Variants in CEP295 observed in about 807,000 individuals in gnomAD.
The protein encoded by CEP295 is centrosomal protein 295.
Under a neutral mutation model 291.6 loss-of-function variants are expected in CEP295, and 190 were observed. The observed-to-expected ratio is 0.65, with a 90% CI of 0.58 to 0.73. The LOEUF (loss-of-function observed/expected upper bound fraction) is 0.73, where lower values mean the gene tolerates loss of function less well. CEP295 is among the 30% of genes least tolerant of loss of function. The probability of loss-of-function intolerance (pLI) is 0.00; values close to 1 mark genes in which losing one functional copy is unlikely to be tolerated. For synonymous variants in CEP295, 993 were observed against 1,038.8 expected, an observed-to-expected ratio of 0.96 and a Z score of 0.85; for missense variants, 2,863 against 2,949.4, an observed-to-expected ratio of 0.97 and a Z score of 0.68.
At chr11:93,666,021 CT>C (rs1273158072) in intron 1 of CEP295, among the ~76,000 whole-genome samples, 1 of 152,122 alleles carries the variant, frequency 6.6e-6, no homozygotes, top group Non-Finnish European at 1.5e-5. Context: ...CTTTTTAGGT[CT>C]TTGTGCTTTT....
At chr11:93,690,763 C>A in intron 10 of CEP295, among the ~76,000 whole-genome samples, 1 of 148,952 alleles carries the variant, frequency 6.7e-6, no homozygotes, top group East Asian at 2.0e-4. Flanking sequence ...AGATAAAGGG[C>A]CAATATGAGC....
chr11:93,666,328 T>G (rs1255190071), intron 1 of CEP295, among the ~76,000 whole-genome samples: 1 of 152,182 alleles, frequency 6.6e-6, no homozygotes, highest in Non-Finnish European at 1.5e-5. Flanking sequence ...GCATGGTGGC[T>G]CATGCCTGTA....
rs1037636631 is a variant in CEP295, at chr11:93,729,995, T to A, written c.7667+26T>A. 5 of 1,423,412 alleles carry A rather than the reference T, an allele frequency of 3.5e-6. No individual in the cohort carries two copies. The African/African-American group carries it at 5.8e-5, about 17-fold the overall frequency. The allele number at this position is 1,423,412 out of a possible 1,614,324, so 88.2% of individuals were successfully genotyped here. A position where few individuals can be genotyped will look rare whatever the true frequency, so the allele number is the denominator to read the frequency against. ...GTAGGGTTAATTTTTTTTTTTTTTT[T>A]AGTGATTCACTTTTTGCAGTGTTTG... is the stretch of plus-strand genomic sequence containing the variant. On this transcript the variant is annotated intron_variant, in intron 28 of 29. Coordinates refer to ENST00000325212, the MANE Select transcript of CEP295 (RefSeq NM_033395.2).
intron 18 of CEP295, among the ~76,000 whole-genome samples, chr11:93,710,908 T>C (rs1395296024): frequency 6.6e-6 from 1 of 152,216 alleles, no homozygotes; most frequent in Admixed American, 6.5e-5. Flanking sequence ...TAGTTGCTAA[T>C]AGTAGTCTCT....
At chr11:93,724,488 T>C in intron 22 of CEP295, 113 bp downstream of exon 22, 1 of 1,049,036 alleles carries the variant, frequency 9.5e-7, no homozygotes, top group East Asian at 2.7e-5. Context: ...CATGGAAGTC[T>C]GGGCACAGTG....
Position 93,730,165 on chromosome 11 carries a change from G to T in CEP295, c.7767+17G>T. On this transcript the variant is annotated intron_variant, in intron 29 of 29. Transcript: ENST00000325212. The stretch of plus-strand genomic sequence containing the variant: ...TTCCATAAGGTGAGTATAACTGAGG[G>T]AGAAGGACTTAATTTTTCAAGCATG... 6.4e-7 allele frequency: 1 copy of T among 1,550,836 alleles called. No homozygotes were observed.
intron 18 of CEP295, among the ~76,000 whole-genome samples, chr11:93,714,408 G>T (rs1172624025): frequency 6.6e-6 from 1 of 152,084 alleles, no homozygotes; most frequent in African/African-American, 2.4e-5. Flanking sequence ...GTGCCACCAC[G>T]CCCAGCTAAT....
rs539401172 is a variant in CEP295 at position 93,697,536 on chromosome 11, A to G, written c.2624A>G (p.Lys875Arg). 7 of 1,551,688 alleles carry G rather than the reference A, an allele frequency of 4.5e-6. No homozygotes were observed. The highest frequency in any genetic ancestry group is 6.1e-6 in the Non-Finnish European group (7 of 1,147,000). Residue 875 changes from lysine to arginine, a missense_variant, in exon 15 of 30, where the codon AAA becomes AGA. This residue lies in a region of CEP295 where 2,295 missense variants were observed against 2,335.7 expected (regional missense o/e 0.98). Coordinates refer to ENST00000325212, the MANE Select transcript of CEP295 (RefSeq NM_033395.2). ...QEAQEQLLLC[K>R]QKEVEQQTGL... ...GCTCAGGAACAGTTGCTTTTGTGCA[A>G]ACAGAAAGAAGTGGAACAGCAAACG...
rs1219061164 is a variant in CEP295 at position 93,681,489 on chromosome 11, C to T, written c.765+1937C>T. Reference sequence around the variant, plus strand: ...GGAGTGCAATGGCGTGATCTTGGCTCACTGCAACCTCCACCTCCTGGGTTC... The same window carrying T: ...GGAGTGCAATGGCGTGATCTTGGCTTACTGCAACCTCCACCTCCTGGGTTC... On this transcript the variant is annotated intron_variant, in intron 7 of 29. Coordinates refer to ENST00000325212, the MANE Select transcript of CEP295 (RefSeq NM_033395.2). 8.1e-5 allele frequency among the ~76,000 whole-genome samples: 10 copies of T among 123,874 alleles called. No individual in the cohort carries two copies. In the East Asian group the frequency reaches 1.6e-3, roughly 20 times the overall value. The allele number at this position is 123,874 out of a possible 152,430, so 81.3% of individuals were successfully genotyped here.
At chr11:93,724,199 T>C (rs932205745) in intron 21 of CEP295, 55 bp from the exon 22 acceptor site, 2 of 1,470,856 alleles carry the variant, frequency 1.4e-6, no homozygotes, top group African/African-American at 2.9e-5. Flanking sequence ...ACCTTAAAAA[T>C]AAATTTATGA....
intron 23 of CEP295, among the ~76,000 whole-genome samples, chr11:93,726,051 A>G (rs186615948): frequency 2.0e-3 from 298 of 152,150 alleles, no homozygotes; most frequent in Non-Finnish European, 3.6e-3. Flanking sequence ...TTGTTCCTCA[A>G]TTTCCCTACC....
rs954178186 is a variant in CEP295, at chr11:93,727,338, G to C, written c.6862G>C (p.Gly2288Arg). 7 of 1,551,346 alleles carry C rather than the reference G, an allele frequency of 4.5e-6. No homozygotes were observed. In the African/African-American group the frequency reaches 9.6e-5, roughly 21 times the overall value. Residue 2288 changes from glycine to arginine, a missense_variant, in exon 24 of 30, where the codon GGG (glycine) becomes CGG (arginine). This residue lies in a region of CEP295 where 2,295 missense variants were observed against 2,335.7 expected (regional missense o/e 0.98). Transcript: ENST00000325212. ...SMGFEELSKR[G>R]VVTMLQSQGL... ...GGGCTTTGAAGAACTATCAAAAAGA[G>C]GGGTTGTTACAATGTTACAAAGTCA...
Position 93,700,058 on chromosome 11 carries a change from C to CG in CEP295, c.5146_5147insG (p.Leu1716ArgfsTer9). 6.4e-7 allele frequency: 1 copy of CG among 1,551,824 alleles called. No individual in the cohort carries two copies. Among genetic ancestry groups the CG allele is most frequent in the Non-Finnish European group, 8.7e-7 (1 of 1,147,018 alleles). Reference sequence around the variant, plus strand: ...CTTGGGACTTCAGAAACAGTTGGATCTACAAAGAGAAGTTCTGCATTATAG... The same window carrying CG: ...CTTGGGACTTCAGAAACAGTTGGATCGTACAAAGAGAAGTTCTGCATTATAG... On this transcript the variant is annotated frameshift_variant, in exon 15 of 30. Transcript: ENST00000325212. LOFTEE classifies it high-confidence loss of function.
intron 6 of CEP295, among the ~76,000 whole-genome samples, chr11:93,678,241 T>C (rs1384624775): frequency 2.0e-5 from 3 of 152,194 alleles, no homozygotes; most frequent in Non-Finnish European, 2.9e-5. Flanking sequence ...TGAAATATTG[T>C]TCTCAGAGGT....
At chr11:93,664,757 G>A (rs1950133627) in intron 1 of CEP295, among the ~76,000 whole-genome samples, 1 of 152,150 alleles carries the variant, frequency 6.6e-6, no homozygotes, top group Admixed American at 6.5e-5. Context: ...AAAGGTATTA[G>A]TCCCTGTTAG....
rs1951809053 is a variant in CEP295, at chr11:93,695,638, G to C, written c.1671+4G>C. 1 of 1,487,784 alleles carries C rather than the reference G, an allele frequency of 6.7e-7. No individual in the cohort carries two copies. The highest frequency in any genetic ancestry group is 1.5e-5 in the African/African-American group (1 of 68,742). 92.2% of individuals were successfully genotyped at this position (1,487,784 alleles called of 1,614,324 possible). A position where few individuals can be genotyped will look rare whatever the true frequency, so the allele number is the denominator to read the frequency against. On this transcript the variant is annotated splice_donor_region_variant and intron_variant, in intron 13 of 29. Transcript: ENST00000325212. Reference sequence around the variant, plus strand: ...AAAAAAAACTCAACCGACTGGGGTAGGATGCAGAAAATCTCATCACTACAT... The same window carrying C: ...AAAAAAAACTCAACCGACTGGGGTACGATGCAGAAAATCTCATCACTACAT...
At chr11:93,716,111 T>G (rs1433174044) in intron 18 of CEP295, among the ~76,000 whole-genome samples, 1 of 152,128 alleles carries the variant, frequency 6.6e-6, no homozygotes, top group African/African-American at 2.4e-5. Context: ...CAAGTTTGTT[T>G]AGGACTCCAG....
In CEP295 at chr11:93,697,834, G is replaced by T. The variant is rs1240865829; in HGVS notation, c.2922G>T (p.Leu974Phe). 1 of 1,551,640 alleles carries T rather than the reference G, an allele frequency of 6.4e-7. No homozygotes were observed. The highest frequency in any genetic ancestry group is 1.4e-5 in the African/African-American group (1 of 73,162). Reference sequence around the variant, plus strand: ...CTAGGCGAGAAGCCCAGGAAGTATTGTATGTACATAAACAGAGTGAATTGG... The same window carrying T: ...CTAGGCGAGAAGCCCAGGAAGTATTTTATGTACATAAACAGAGTGAATTGG... ...LQARREAQEV[L>F]YVHKQSELDR... The change falls in exon 15 of 30, where the codon TTG becomes TTT. Residue 974 changes from leucine to phenylalanine, a missense_variant. Coordinates refer to ENST00000325212, the MANE Select transcript of CEP295 (RefSeq NM_033395.2).
At chr11:93,681,178 A>C (rs1412997900) in intron 7 of CEP295, among the ~76,000 whole-genome samples, 1 of 151,180 alleles carries the variant, frequency 6.6e-6, no homozygotes, top group Admixed American at 6.6e-5. Context: ...CTTCTTCACC[A>C]CTCAGCTGTT....
Sources: gnomAD v4.1 joint callset for allele counts (sites outside exome capture counted in the v4.1 genomes callset) on GRCh38, gnomAD v4.1.1 for gene constraint, gnomAD v4.1.1 regional missense constraint, MANE v1.5 for transcripts, NCBI Gene and HGNC (gene_info 2026-07-23, HGNC 2026-07-21) for gene names.